Variants in CHD9 observed in about 807,000 individuals in gnomAD.
CHD9 encodes ATP-dependent chromatin remodeler CHD9.
In CHD9, 77 loss-of-function variants were observed where a neutral mutation model predicts 316.1. That is an observed-to-expected ratio of 0.24 (90% CI 0.20 to 0.29). CHD9 has a LOEUF of 0.29. Ranked by LOEUF, CHD9 falls within the 10% of genes least tolerant of loss-of-function variation. The pLI is 1.00. For synonymous variants in CHD9, 1,129 were observed against 1,158.3 expected (o/e 0.97, Z 0.51); for missense variants, 2,763 against 3,438.1 (o/e 0.80, Z 4.91).
At chr16:53,106,096 A>T (rs1328401299) in intron 1 of CHD9, among the ~76,000 whole-genome samples, 7 of 152,316 alleles carry the variant, frequency 4.6e-5, no homozygotes, top group African/African-American at 1.7e-4. Context: ...CTGGGATTAC[A>T]GGCGTGAGCC....
At chr16:53,263,406 G>C (rs373488686) in intron 20 of CHD9, among the ~76,000 whole-genome samples, 5 of 151,618 alleles carry the variant, frequency 3.3e-5, no homozygotes, top group African/African-American at 1.2e-4. Flanking sequence ...TCTCTTTAAT[G>C]TTTTCTTAGT....
intron 2 of CHD9, among the ~76,000 whole-genome samples, chr16:53,166,306 G>T (rs1194756069): frequency 6.6e-6 from 1 of 152,090 alleles, no homozygotes; most frequent in African/African-American, 2.4e-5. Flanking sequence ...TTGACCTCTA[G>T]CATGCATACT....
At chr16:53,080,003 T>C (rs531049025) in intron 1 of CHD9, among the ~76,000 whole-genome samples, 23 of 152,206 alleles carry the variant, frequency 1.5e-4, no homozygotes, top group Non-Finnish European at 2.8e-4. Context: ...AATTTATAGC[T>C]GGTTGGTCAG....
intron 1 of CHD9, among the ~76,000 whole-genome samples, chr16:53,117,257 T>G (rs2038379567): frequency 6.6e-6 from 1 of 152,062 alleles, no homozygotes; most frequent in South Asian, 2.1e-4. Flanking sequence ...AAAAAAAAAT[T>G]TAGGAAGTCC....
rs1348875142 is a variant in CHD9 at position 53,070,487 on chromosome 16, T to TC, written c.-165+15411dup. Among the ~76,000 whole-genome samples the TC allele has an allele frequency of 3.1e-3, 452 of 145,810 alleles. 3 individuals are homozygous for TC. Among genetic ancestry groups the TC allele is most frequent in the African/African-American group, 0.011 (425 of 37,090 alleles). ...AGTAGCATGTCTTTCTTTCTTTCTT[T>TC]CTTTCCTTCCTTCCTTCCTTCCTTC... On this transcript the variant is annotated intron_variant, in intron 1 of 38. Coordinates refer to ENST00000447540, the MANE Select transcript of CHD9 (RefSeq NM_001308319.2).
At chr16:53,246,718 C>A (rs1046188089) in intron 15 of CHD9, among the ~76,000 whole-genome samples, 1 of 151,648 alleles carries the variant, frequency 6.6e-6, no homozygotes, top group African/African-American at 2.4e-5. Context: ...GAGATGGGGT[C>A]TTGTTATATT....
chr16:53,122,910 G>T (rs1481896195), intron 1 of CHD9, among the ~76,000 whole-genome samples: 10 of 151,060 alleles, frequency 6.6e-5, no homozygotes, highest in Non-Finnish European at 8.8e-5. Context: ...TAGATAACAG[G>T]GTTTCACTGT....
chr16:53,265,285 C>T (rs566056965), intron 20 of CHD9, among the ~76,000 whole-genome samples: 1 of 152,120 alleles, frequency 6.6e-6, no homozygotes, highest in East Asian at 1.9e-4. Flanking sequence ...GCCTGTAATC[C>T]TAGTTACGAA....
chr16:53,156,801 T>C lies in CHD9; in HGVS notation c.712T>C (p.Ser238Pro), dbSNP rs771328225. 1.3e-5 allele frequency: 21 copies of C among 1,613,736 alleles called. No homozygotes were observed. The highest frequency in any genetic ancestry group is 3.3e-5 in the Admixed American group (2 of 60,008). ...MQQFSQTSNP[S>P]AHFHKCSSHQ... is the part of the protein sequence containing the mutation. ...GCAATTTTCTCAAACGTCAAATCCT[T>C]CAGCACACTTCCACAAGTGTAGCAG... Residue 238 changes from serine to proline, a missense_variant, in exon 2 of 39, where the codon TCA becomes CCA. Physicochemically the swap from Ser to Pro is moderately conservative, Grantham distance 74. This residue lies in a region of CHD9 where 859 missense variants were observed against 890.4 expected (regional missense o/e 0.96). Transcript: ENST00000447540.
intron 1 of CHD9, among the ~76,000 whole-genome samples, chr16:53,114,180 CACT>C (rs2152627298): frequency 6.6e-6 from 1 of 152,118 alleles, no homozygotes; most frequent in African/African-American, 2.4e-5. Flanking sequence ...TTGAACCCAC[CACT>C]ATTTGGTCTA....
intron 28 of CHD9, 102 bp from the exon 29 acceptor site, chr16:53,292,731 C>A: frequency 1.2e-6 from 1 of 837,898 alleles, no homozygotes; most frequent in Non-Finnish European, 1.9e-6. Flanking sequence ...TTTTTTTTCC[C>A]CACATAGATT....
At chr16:53,104,367 G>A (rs772692436) in intron 1 of CHD9, among the ~76,000 whole-genome samples, 7 of 152,220 alleles carry the variant, frequency 4.6e-5, no homozygotes, top group Admixed American at 2.0e-4. Flanking sequence ...TACATTGGAA[G>A]CCAGCAAATT....
intron 1 of CHD9, among the ~76,000 whole-genome samples, chr16:53,119,887 C>T (rs576963940): frequency 6.6e-6 from 1 of 152,102 alleles, no homozygotes; most frequent in East Asian, 1.9e-4. Context: ...ACTCCATTGC[C>T]ATTTTCTCTT....
At chr16:53,282,615 A>G (rs147326752) in intron 24 of CHD9, among the ~76,000 whole-genome samples, 76 of 152,312 alleles carry the variant, frequency 5.0e-4, no homozygotes, top group Middle Eastern at 3.4e-3. Context: ...TCAAAAAAAC[A>G]GAAAAGAAAG....
intron 2 of CHD9, among the ~76,000 whole-genome samples, chr16:53,198,315 AT>A (rs34946383): frequency 0.013 from 1,616 of 125,198 alleles, 4 homozygotes; most frequent in African/African-American, 0.018. Context: ...TAAGCATTCA[AT>A]TTTTTTTTTT....
At chr16:53,274,723 A>G (rs893843001) in intron 24 of CHD9, among the ~76,000 whole-genome samples, 6 of 151,968 alleles carry the variant, frequency 3.9e-5, no homozygotes, top group Admixed American at 3.3e-4. Flanking sequence ...CCCCCCACAA[A>G]GTGCTGGGAT....
At chr16:53,085,243 T>A (rs2035368763) in intron 1 of CHD9, among the ~76,000 whole-genome samples, 1 of 151,836 alleles carries the variant, frequency 6.6e-6, no homozygotes, top group South Asian at 2.1e-4. Flanking sequence ...TTTTTTTTTT[T>A]TTTTTTATTT....
intron 3 of CHD9, among the ~76,000 whole-genome samples, chr16:53,214,429 A>G (rs920265963): frequency 1.3e-5 from 2 of 152,186 alleles, no homozygotes; most frequent in African/African-American, 2.4e-5. Flanking sequence ...TTAATTGTTT[A>G]TTGGTGTATG....
intron 30 of CHD9, among the ~76,000 whole-genome samples, chr16:53,300,613 A>G (rs1365378670): frequency 2.0e-5 from 3 of 152,234 alleles, no homozygotes; most frequent in Non-Finnish European, 4.4e-5. Flanking sequence ...AATGGATAAT[A>G]AAAACCTATT....
Sources: gnomAD v4.1 joint callset for allele counts (sites outside exome capture counted in the v4.1 genomes callset) on GRCh38, gnomAD v4.1.1 for gene constraint, gnomAD v4.1.1 regional missense constraint, MANE v1.5 for transcripts, NCBI Gene and HGNC (gene_info 2026-07-23, HGNC 2026-07-21) for gene names.